Variants in WIPF2 observed in about 807,000 individuals in gnomAD.
The protein encoded by WIPF2 is WAS/WASL-interacting protein family member 2.
A neutral mutation model predicts 38.8 loss-of-function variants in WIPF2; 23 were observed. That is an observed-to-expected ratio of 0.59 (90% CI 0.43 to 0.84). WIPF2 has a LOEUF of 0.84. WIPF2 is among the 40% of genes least tolerant of loss of function. The pLI is 0.00. For missense variants in WIPF2, 574 were observed against 580.5 expected (o/e 0.99, Z 0.11); for synonymous variants, 210 against 223.2 (o/e 0.94, Z 0.53).
At chr17:40,244,829 C>T (rs1212541709) in intron 1 of WIPF2, among the ~76,000 whole-genome samples, 2 of 152,132 alleles carry the variant, frequency 1.3e-5, no homozygotes, top group African/African-American at 4.8e-5. Context: ...TGCTCTTTCC[C>T]CAGATGTTTA....
Position 40,273,873 on chromosome 17 carries a change from G to C in WIPF2, c.1054G>C (p.Glu352Gln). 1 of 1,565,304 alleles carries C rather than the reference G, an allele frequency of 6.4e-7. No individual in the cohort carries two copies. The highest frequency in any genetic ancestry group is 1.1e-5 in the South Asian group (1 of 88,654). ...PPPPYRMHGS[E>Q]PPSRGKPPPP... ...ACCACCATACCGAATGCATGGGTCA[G>C]AACCCCCGAGCCGAGGAAAGCCCCC... is the stretch of plus-strand genomic sequence containing the variant. The change falls in exon 6 of 8, where the codon GAA becomes CAA. Residue 352 changes from glutamate to glutamine, a missense_variant. Physicochemically the swap from Glu to Gln is conservative, Grantham distance 29. Coordinates refer to ENST00000323571, the MANE Select transcript of WIPF2 (RefSeq NM_133264.5).
chr17:40,247,674 A>G (rs2031417772), intron 1 of WIPF2, among the ~76,000 whole-genome samples: 1 of 151,768 alleles, frequency 6.6e-6, no homozygotes, highest in Admixed American at 6.6e-5. Context: ...GGCGTTTGCC[A>G]CCATGCCTGG....
chr17:40,228,375 T>C (rs538651256), intron 1 of WIPF2, among the ~76,000 whole-genome samples: 7 of 152,238 alleles, frequency 4.6e-5, no homozygotes, highest in African/African-American at 1.7e-4. Context: ...GGCACCTACC[T>C]TACACTGATA....
At chr17:40,277,722 C>CTTTTTTTTTTTTTT (rs1567727173) in intron 7 of WIPF2, among the ~76,000 whole-genome samples, 1 of 99,590 alleles carries the variant, frequency 1.0e-5, no homozygotes, top group African/African-American at 6.1e-5. Context: ...TCTTCGTTGT[C>CTTTTTTTTTTTTTT]CTTTTTTTTT....
At chr17:40,228,010 GTTTTTTTTT>G (rs1175714533) in intron 1 of WIPF2, among the ~76,000 whole-genome samples, 1 of 79,216 alleles carries the variant, frequency 1.3e-5, no homozygotes, top group Non-Finnish European at 2.3e-5. Context: ...ACCTCTTTTT[GTTTTTTTTT>G]TTTTTTTTTT....
At chr17:40,263,437 A>T (rs1282771592) in intron 4 of WIPF2, among the ~76,000 whole-genome samples, 1 of 151,862 alleles carries the variant, frequency 6.6e-6, no homozygotes, top group Non-Finnish European at 1.5e-5. Flanking sequence ...CAGGCCACTG[A>T]CCTGTACAGG....
At chr17:40,228,416 A>G (rs1444492479) in intron 1 of WIPF2, among the ~76,000 whole-genome samples, 1 of 152,124 alleles carries the variant, frequency 6.6e-6, no homozygotes, top group East Asian at 1.9e-4. Flanking sequence ...TTTTGCTATT[A>G]CAAACTATGC....
At position 40,256,436 on chromosome 17, in the gene WIPF2, G is replaced by A. The variant is rs377721266; in HGVS notation, c.-24G>A. 4.4e-6 allele frequency: 7 copies of A among 1,605,482 alleles called. No homozygotes were observed. Among genetic ancestry groups the A allele is most frequent in the Non-Finnish European group, 5.9e-6 (7 of 1,177,132 alleles). The stretch of plus-strand genomic sequence containing the variant: ...TACAAATAAAGACGGAGAGAGAACA[G>A]TGCCAACTGGGAGCAGGGCAAGAAT... On this transcript the variant is annotated 5_prime_UTR_variant, in exon 2 of 8. The change creates a new upstream start codon in the 5' untranslated region. Coordinates refer to ENST00000323571, the MANE Select transcript of WIPF2 (RefSeq NM_133264.5).
At chr17:40,276,771 G>A (rs1260336467) in intron 6 of WIPF2, among the ~76,000 whole-genome samples, 1 of 152,048 alleles carries the variant, frequency 6.6e-6, no homozygotes, top group East Asian at 1.9e-4. Flanking sequence ...AAAACTAGCC[G>A]GGTGAGGTGG....
At position 40,278,461 on chromosome 17, in the gene WIPF2, C is replaced by T. The variant is rs2032475697; in HGVS notation, c.*236C>T. The T allele has an allele frequency of 3.7e-6, 2 of 535,022 alleles. No individual in the cohort carries two copies. The highest frequency in any genetic ancestry group is 2.7e-5 in the South Asian group (1 of 36,896). 33.1% of individuals were successfully genotyped at this position (535,022 alleles called of 1,614,324 possible). A position where few individuals can be genotyped will look rare whatever the true frequency, so the allele number is the denominator to read the frequency against. Reference sequence around the variant, plus strand: ...TCAAACCCTGCATCCATCCTTCCTCCAGCAAGCCCTGCTAGCCACATGAGG... The same window carrying T: ...TCAAACCCTGCATCCATCCTTCCTCTAGCAAGCCCTGCTAGCCACATGAGG... On this transcript the variant is annotated 3_prime_UTR_variant, in exon 8 of 8. Transcript: ENST00000323571.
Position 40,280,375 on chromosome 17 carries a change from A to C in WIPF2, c.*2150A>C, listed in dbSNP as rs980604477. On this transcript the variant is annotated 3_prime_UTR_variant, in exon 8 of 8. Transcript: ENST00000323571. Reference sequence around the variant, plus strand: ...TCCCAGCTACTGGGGAGGCTGAGGCAGGAGAATCGCTTGAATCCAGGAGGT... The same window carrying C: ...TCCCAGCTACTGGGGAGGCTGAGGCCGGAGAATCGCTTGAATCCAGGAGGT... The C allele has an allele frequency of 5.2e-5, 8 of 152,496 alleles. No homozygotes were observed. Among genetic ancestry groups the C allele is most frequent in the African/African-American group, 1.9e-4 (8 of 41,468 alleles). The allele number at this position is 152,496 out of a possible 1,614,324, so 9.4% of individuals were successfully genotyped here.
In WIPF2 at chr17:40,264,812, GCCTGGACAAAGGCTTCAC is replaced by G. The variant is rs1466245723; in HGVS notation, c.642_659del (p.Gln215_Gly220del). 6.2e-7 allele frequency: 1 copy of G among 1,611,628 alleles called. No individual in the cohort carries two copies. Among genetic ancestry groups the G allele is most frequent in the Non-Finnish European group, 8.5e-7 (1 of 1,179,718 alleles). On this transcript the variant is annotated inframe_deletion, in exon 5 of 8. Coordinates refer to ENST00000323571, the MANE Select transcript of WIPF2 (RefSeq NM_133264.5). ...ACAGAGAGAAACCCTTGCCACCGACGCCTGGACAAAGGCTTCACCCTGGTCGAGAGGGACCTCCTGCTC... is the reference window on the plus strand; with the variant it reads ...ACAGAGAGAAACCCTTGCCACCGACGCCTGGTCGAGAGGGACCTCCTGCTC...
At chr17:40,222,228 A>G (rs1157284396) in intron 1 of WIPF2, among the ~76,000 whole-genome samples, 2 of 150,802 alleles carry the variant, frequency 1.3e-5, no homozygotes, top group African/African-American at 2.4e-5. Flanking sequence ...TAATTTTTGT[A>G]TTTTTAGTAG....
intron 1 of WIPF2, among the ~76,000 whole-genome samples, chr17:40,226,208 A>ATT (rs5820333): frequency 1.8e-5 from 2 of 109,982 alleles, no homozygotes; most frequent in Admixed American, 9.1e-5. Flanking sequence ...AAAAAAAAAA[A>ATT]TTTTTTTTTT....
chr17:40,231,117 G>A (rs771365511), intron 1 of WIPF2, among the ~76,000 whole-genome samples: 3 of 152,072 alleles, frequency 2.0e-5, no homozygotes, highest in South Asian at 2.1e-4. Flanking sequence ...AGTGATCAAG[G>A]GACGGAAATG....
chr17:40,226,629 A>G (rs895854939), intron 1 of WIPF2, among the ~76,000 whole-genome samples: 1 of 152,114 alleles, frequency 6.6e-6, no homozygotes, highest in African/African-American at 2.4e-5. Flanking sequence ...CCTAGTAGGG[A>G]GGATGTTTAT....
At chr17:40,265,680 T>G (rs772279947) in intron 5 of WIPF2, among the ~76,000 whole-genome samples, 1 of 151,944 alleles carries the variant, frequency 6.6e-6, no homozygotes, top group Non-Finnish European at 1.5e-5. Flanking sequence ...TGGTAGGACT[T>G]GGAGGTTGGA....
chr17:40,222,935 T>C (rs1288285562), intron 1 of WIPF2, among the ~76,000 whole-genome samples: 1 of 149,632 alleles, frequency 6.7e-6, no homozygotes, highest in Non-Finnish European at 1.5e-5. Context: ...CCTCCCAAAG[T>C]GTTGAGATTA....
intron 1 of WIPF2, among the ~76,000 whole-genome samples, chr17:40,233,917 G>A (rs926011763): frequency 6.6e-6 from 1 of 152,130 alleles, no homozygotes; most frequent in Non-Finnish European, 1.5e-5. Context: ...TACAAATTTA[G>A]CCAGGCGTGG....
Sources: allele counts gnomAD v4.1 joint callset (sites outside exome capture counted in the v4.1 genomes callset), GRCh38; gene constraint gnomAD v4.1.1; transcripts MANE v1.5; gene names NCBI Gene and HGNC (gene_info 2026-07-23, HGNC 2026-07-21).